STX8: variants seen among roughly 807,000 people sequenced by gnomAD.
STX8 encodes syntaxin-8.
Under a neutral mutation model 37.5 loss-of-function variants are expected in STX8, and 23 were observed. The observed-to-expected ratio is 0.61, with a 90% CI of 0.44 to 0.87. STX8 has a LOEUF of 0.87. STX8 is among the 40% of genes least tolerant of loss of function. The pLI is 0.00. For missense variants in STX8, 313 were observed against 284.7 expected, an observed-to-expected ratio of 1.10 and a Z score of -0.71; for synonymous variants, 115 against 99.1, an observed-to-expected ratio of 1.16 and a Z score of -0.95.
At chr17:9,370,133 T>C (rs1366254176) in intron 7 of STX8, among the ~76,000 whole-genome samples, 1 of 151,962 alleles carries the variant, frequency 6.6e-6, no homozygotes, top group African/African-American at 2.4e-5. Flanking sequence ...GAGAATCACT[T>C]GAACTCAGGA....
At chr17:9,434,774 G>A (rs906801862) in intron 6 of STX8, among the ~76,000 whole-genome samples, 2 of 152,206 alleles carry the variant, frequency 1.3e-5, no homozygotes, top group South Asian at 2.1e-4. Context: ...CAGCATATGG[G>A]CTGTTGGCTA....
intron 7 of STX8, among the ~76,000 whole-genome samples, chr17:9,338,048 A>ATT (rs972471091): frequency 0.01 from 1,083 of 107,824 alleles, 24 homozygotes; most frequent in African/African-American, 0.017. Context: ...CCTCTGAAGG[A>ATT]TTTTTTTTTT....
At chr17:9,260,413 C>T (rs972726304) in intron 7 of STX8, among the ~76,000 whole-genome samples, 10 of 152,096 alleles carry the variant, frequency 6.6e-5, no homozygotes, top group East Asian at 1.9e-4. Context: ...CCCCTGAGGC[C>T]GGGAGTTTGA....
chr17:9,447,107 C>G (rs536263413), intron 6 of STX8, among the ~76,000 whole-genome samples: 29 of 152,150 alleles, frequency 1.9e-4, no homozygotes, highest in African/African-American at 6.5e-4. Flanking sequence ...TCAGGAAAAC[C>G]AATTTATTGT....
intron 3 of STX8, chr17:9,556,792 T>TAC (rs1906995644): frequency 1.3e-4 from 3 of 23,314 alleles, no homozygotes; most frequent in Admixed American, 5.1e-4. Flanking sequence ...TATATATATA[T>TAC]ATACACATAC....
chr17:9,413,177 G>C (rs906068160), intron 6 of STX8, among the ~76,000 whole-genome samples: 1 of 152,138 alleles, frequency 6.6e-6, no homozygotes, highest in South Asian at 2.1e-4. Flanking sequence ...GTGGAAGACC[G>C]GCCAGGAGCA....
chr17:9,324,637 C>T (rs894970415), intron 7 of STX8, among the ~76,000 whole-genome samples: 4 of 151,780 alleles, frequency 2.6e-5, no homozygotes, highest in African/African-American at 9.7e-5. Flanking sequence ...TGGTGGCAGG[C>T]ACCTGTAATC....
At chr17:9,465,642 G>A (rs1346139751) in intron 6 of STX8, among the ~76,000 whole-genome samples, 1 of 152,196 alleles carries the variant, frequency 6.6e-6, no homozygotes, top group Non-Finnish European at 1.5e-5. Flanking sequence ...ATTTCTTCAA[G>A]CAGCACGCCT....
chr17:9,324,109 G>GTCTC (rs1051588898), intron 7 of STX8, among the ~76,000 whole-genome samples: 6 of 135,534 alleles, frequency 4.4e-5, no homozygotes, highest in East Asian at 4.5e-4. Flanking sequence ...CTCTCTCTCT[G>GTCTC]TCTCTCTCTC....
chr17:9,510,162 T>C (rs548980235), intron 4 of STX8, among the ~76,000 whole-genome samples: 14 of 152,272 alleles, frequency 9.2e-5, no homozygotes, highest in East Asian at 3.9e-4. Context: ...AAGGGAGAGA[T>C]AGACTCAAAT....
At chr17:9,270,404 C>T (rs369674655) in intron 7 of STX8, among the ~76,000 whole-genome samples, 7 of 152,166 alleles carry the variant, frequency 4.6e-5, no homozygotes, top group East Asian at 1.9e-4. Context: ...CCCGCCACCA[C>T]GCCCGGCTAA....
intron 6 of STX8, among the ~76,000 whole-genome samples, chr17:9,487,548 T>C (rs757909554): frequency 1.2e-4 from 18 of 152,166 alleles, no homozygotes; most frequent in Non-Finnish European, 2.4e-4. Context: ...TGGCTGACTC[T>C]GCCCTATCTC....
At chr17:9,325,992 C>T (rs147425443) in intron 7 of STX8, among the ~76,000 whole-genome samples, 217 of 152,282 alleles carry the variant, frequency 1.4e-3, no homozygotes, top group African/African-American at 4.8e-3. Flanking sequence ...TGGTGTCCAG[C>T]GCTAGCCATG....
intron 6 of STX8, among the ~76,000 whole-genome samples, chr17:9,460,673 CA>C (rs751553222): frequency 0.17 from 16,019 of 96,620 alleles, 978 homozygotes; most frequent in Middle Eastern, 0.23. Context: ...GACTCTGTCT[CA>C]AAAAAAAAAA....
chr17:9,418,147 C>T (rs1913265640), intron 6 of STX8, among the ~76,000 whole-genome samples: 1 of 152,142 alleles, frequency 6.6e-6, no homozygotes, highest in South Asian at 2.1e-4. Context: ...AGACGGAGCC[C>T]TTCAAACTGT....
chr17:9,568,226 GT>G, intron 2 of STX8, 144 bp downstream of exon 2: 1 of 585,322 alleles, frequency 1.7e-6, no homozygotes, highest in Non-Finnish European at 3.0e-6. Context: ...CTACTAACTG[GT>G]TGGGTGTTAT....
At chr17:9,463,759 T>G (rs1905493199) in intron 6 of STX8, among the ~76,000 whole-genome samples, 2 of 152,004 alleles carry the variant, frequency 1.3e-5, no homozygotes, top group Admixed American at 1.3e-4. Flanking sequence ...AAATACAAAA[T>G]TAGCAGGGTG....
intron 4 of STX8, among the ~76,000 whole-genome samples, chr17:9,525,702 G>A (rs368333537): frequency 3.9e-5 from 6 of 152,004 alleles, no homozygotes; most frequent in African/African-American, 1.5e-4. Context: ...CACACAAAGT[G>A]GCATTTCACT....
At chr17:9,563,350 T>C (rs980510383) in intron 2 of STX8, among the ~76,000 whole-genome samples, 3 of 151,872 alleles carry the variant, frequency 2.0e-5, no homozygotes, top group Non-Finnish European at 4.4e-5. Context: ...ACCCGGCTAA[T>C]GTTTTGTATT....
Sources: allele counts gnomAD v4.1 joint callset (sites outside exome capture counted in the v4.1 genomes callset), GRCh38; gene constraint gnomAD v4.1.1; transcripts MANE v1.5; gene names NCBI Gene and HGNC (gene_info 2026-07-23, HGNC 2026-07-21).